ST3GAL4: variants seen among roughly 807,000 people sequenced by gnomAD.
ST3GAL4 encodes ST3 beta-galactoside alpha-2,3-sialyltransferase 4, also known as CMP-N-acetylneuraminate-beta-galactosamide-alpha-2,3-sialyltransferase 4.
A neutral mutation model predicts 42.6 loss-of-function variants in ST3GAL4; 24 were observed. The ratio of observed to expected loss-of-function variants is 0.56; its 90% CI spans 0.41 to 0.79. The LOEUF is 0.79. Among genes scored for constraint, ST3GAL4 ranks in the 30% least tolerant of loss-of-function variants. ST3GAL4 has a pLI of 0.00. For missense variants in ST3GAL4, 311 were observed against 430.8 expected (o/e 0.72, Z 2.46); for synonymous variants, 135 against 163.2 (o/e 0.83, Z 1.32).
chr11:126,390,478 A>G (rs1281077789), intron 1 of ST3GAL4, among the ~76,000 whole-genome samples: 1 of 151,998 alleles, frequency 6.6e-6, no homozygotes, highest in African/African-American at 2.4e-5. Flanking sequence ...CCTTTGTGTC[A>G]GTTTGTACTT....
chr11:126,406,775 G>A lies in ST3GAL4; in HGVS notation c.102-168G>A, dbSNP rs1954252371. 1.1e-6 allele frequency: 1 copy of A among 915,880 alleles called. No individual in the cohort carries two copies. Among genetic ancestry groups the A allele is most frequent in the African/African-American group, 1.7e-5 (1 of 60,084 alleles). 56.7% of individuals were successfully genotyped at this position (915,880 alleles called of 1,614,324 possible). On this transcript the variant is annotated intron_variant, in intron 3 of 10. Transcript: ENST00000444328. The surrounding 1 kb of genome is among the most constrained non-coding windows in gnomAD (Gnocchi z 5.4). ...CCCTCACCCAGGGAGTGCAGGGGCAGGAAGACCTGGATCCTCAAGGACTTG... is the reference window on the plus strand; with the variant it reads ...CCCTCACCCAGGGAGTGCAGGGGCAAGAAGACCTGGATCCTCAAGGACTTG...
At chr11:126,413,120 G>T (rs556761663) in intron 9 of ST3GAL4, among the ~76,000 whole-genome samples, 1 of 151,948 alleles carries the variant, frequency 6.6e-6, no homozygotes, top group African/African-American at 2.4e-5. Context: ...GAGATGGGGG[G>T]GTCTCACTAT....
At position 126,397,455 on chromosome 11, in the gene ST3GAL4, A is replaced by T. The variant is rs1468541372; in HGVS notation, c.-60-8641A>T. Among the ~76,000 whole-genome samples the T allele has an allele frequency of 1.3e-5, 2 of 151,266 alleles. No individual in the cohort carries two copies. The highest frequency in any genetic ancestry group is 1.5e-5 in the Non-Finnish European group (1 of 67,994). ...ATAATATAAAATTTTGTTACCTCTA[A>T]GTGCTGAAATTAAGGTATAAACAAC... On this transcript the variant is annotated intron_variant, in intron 1 of 10. Coordinates refer to ENST00000444328, the MANE Select transcript of ST3GAL4 (RefSeq NM_001254757.2). This position sits in a 1 kb window ranked among gnomAD's most constrained non-coding sequence, Gnocchi z 5.0.
intron 1 of ST3GAL4, chr11:126,403,433 A>AT: frequency 1.0e-6 from 1 of 985,450 alleles, no homozygotes; most frequent in Non-Finnish European, 1.2e-6. Context: ...AAAAGGTGAA[A>AT]TGAGCTCTTT....
chr11:126,402,151 C>T (rs2135525301), intron 1 of ST3GAL4, among the ~76,000 whole-genome samples: 1 of 151,250 alleles, frequency 6.6e-6, no homozygotes, highest in South Asian at 2.1e-4. Flanking sequence ...CCAGGTTTTC[C>T]CTACAGAACT....
In ST3GAL4 at chr11:126,407,255, C is replaced by G; in HGVS notation, c.186C>G (p.Tyr62Ter). ...CCCGGCTTTCACCTCTGTGCAGCTA[C>G]TCCCGGGATCAGCCCATCTTCCTGC... ...ESKASKLFGN[Y>*]SRDQPIFLRL... The change falls in exon 5 of 11, where the codon TAC becomes TAG. Residue 62 changes from tyrosine to a stop codon, truncating the protein, a stop_gained. Coordinates refer to ENST00000444328, the MANE Select transcript of ST3GAL4 (RefSeq NM_001254757.2). LOFTEE classifies it high-confidence loss of function. 6.2e-7 allele frequency: 1 copy of G among 1,614,196 alleles called. No individual in the cohort carries two copies. The highest frequency in any genetic ancestry group is 8.5e-7 in the Non-Finnish European group (1 of 1,180,014).
intron 1 of ST3GAL4, among the ~76,000 whole-genome samples, chr11:126,380,248 C>T (rs374395791): frequency 7.5e-5 from 11 of 147,012 alleles, no homozygotes; most frequent in East Asian, 3.9e-4. Flanking sequence ...GGTGACACAG[C>T]GAGACTGTAT....
intron 1 of ST3GAL4, among the ~76,000 whole-genome samples, chr11:126,357,592 C>T (rs1381565233): frequency 6.6e-6 from 1 of 152,184 alleles, no homozygotes; most frequent in Admixed American, 6.5e-5. Context: ...CTCCCAACCT[C>T]GTTAGACTCC....
chr11:126,409,967 A>G lies in ST3GAL4; in HGVS notation c.771+556A>G, dbSNP rs1173487949. Among the ~76,000 whole-genome samples, 1 of 152,148 alleles carries G rather than the reference A, an allele frequency of 6.6e-6. No individual in the cohort carries two copies. Among genetic ancestry groups the G allele is most frequent in the Non-Finnish European group, 1.5e-5 (1 of 68,038 alleles). On this transcript the variant is annotated intron_variant, in intron 9 of 10. Coordinates refer to ENST00000444328, the MANE Select transcript of ST3GAL4 (RefSeq NM_001254757.2). The surrounding 1 kb of genome is among the most constrained non-coding windows in gnomAD (Gnocchi z 4.9). ...ACCCAGGATTGGGTGCAGTGGTGCA[A>G]TCATAGCCCACTGTAACCTCAAACT...
Position 126,382,573 on chromosome 11 carries a change from A to G in ST3GAL4, c.-60-23523A>G, listed in dbSNP as rs148159604. Among the ~76,000 whole-genome samples the G allele has an allele frequency of 6.4e-3, 977 of 152,044 alleles. 12 individuals carry two copies. The highest frequency in any genetic ancestry group is 0.02 in the African/African-American group (829 of 41,460). ...AGGAGGAGGCGCTGGCCAGGACCTT[A>G]GATTACGCAGGGCTTGGTGTTGGGG... On this transcript the variant is annotated intron_variant, in intron 1 of 10. Coordinates refer to ENST00000444328, the MANE Select transcript of ST3GAL4 (RefSeq NM_001254757.2).
chr11:126,390,326 TG>T lies in ST3GAL4; in HGVS notation c.-60-15769del, dbSNP rs371254404. Among the ~76,000 whole-genome samples the T allele has an allele frequency of 6.5e-4, 99 of 151,214 alleles. 2 individuals are homozygous for T. Among genetic ancestry groups the T allele is most frequent in the African/African-American group, 1.1e-3 (47 of 41,124 alleles). ...TGTACTGATGATAGTGTTTCCAGTT[TG>T]TTTGTTTTTTTTTGCTATTGCAGCA... On this transcript the variant is annotated intron_variant, in intron 1 of 10. Transcript: ENST00000444328.
intron 1 of ST3GAL4, among the ~76,000 whole-genome samples, chr11:126,374,454 CAAAAAA>C (rs869295718): frequency 6.2e-4 from 39 of 63,214 alleles, no homozygotes; most frequent in Admixed American, 4.6e-3. Flanking sequence ...ACTTTGTCTC[CAAAAAA>C]AAAAAAAAAA....
chr11:126,405,953 C>T, intron 1 of ST3GAL4, 143 bp from the exon 2 acceptor site: 1 of 991,688 alleles, frequency 1.0e-6, no homozygotes, highest in South Asian at 1.6e-5. Context: ...GATGAGAAAA[C>T]TCACCCTCAG....
chr11:126,408,381 A>C lies in ST3GAL4; in HGVS notation c.512A>C (p.Glu171Ala). The change falls in exon 8 of 11, where the codon GAA becomes GCA. Residue 171 changes from glutamate (E) to alanine (A), a missense_variant. Physicochemically the swap from Glu to Ala is moderately radical, Grantham distance 107 (BLOSUM62 -1). Coordinates refer to ENST00000444328, the MANE Select transcript of ST3GAL4 (RefSeq NM_001254757.2). ...ACCACCATGCGTCTCTTCTACCCTG[A>C]ATCTGCCCACTTCGACCCCAAAGTA... ...SKTTMRLFYP[E>A]SAHFDPKVEN... The C allele has an allele frequency of 6.2e-7, 1 of 1,614,138 alleles. No individual in the cohort carries two copies. Among genetic ancestry groups the C allele is most frequent in the Non-Finnish European group, 8.5e-7 (1 of 1,180,040 alleles).
chr11:126,403,292 C>T lies in ST3GAL4; in HGVS notation c.-60-2804C>T, dbSNP rs545153841. ...TGTAGAACTTTACTGGGGAAGAGGTCGAAGAAGGGCTAATTGTCTTGTTGT... is the reference window on the plus strand; with the variant it reads ...TGTAGAACTTTACTGGGGAAGAGGTTGAAGAAGGGCTAATTGTCTTGTTGT... On this transcript the variant is annotated intron_variant, in intron 1 of 10. Coordinates refer to ENST00000444328, the MANE Select transcript of ST3GAL4 (RefSeq NM_001254757.2). 13 of 761,994 alleles carry T rather than the reference C, an allele frequency of 1.7e-5. No homozygotes were observed. In the South Asian group the frequency reaches 2.4e-4, roughly 14 times the overall value. The allele number at this position is 761,994 out of a possible 1,614,324, so 47.2% of individuals were successfully genotyped here.
At chr11:126,399,572 G>A (rs1438578179) in intron 1 of ST3GAL4, among the ~76,000 whole-genome samples, 1 of 151,978 alleles carries the variant, frequency 6.6e-6, no homozygotes, top group Admixed American at 6.6e-5. Context: ...CTCCCAAAGT[G>A]CTAGGATTAC....
chr11:126,367,678 G>A (rs1952485007), intron 1 of ST3GAL4, among the ~76,000 whole-genome samples: 1 of 152,190 alleles, frequency 6.6e-6, no homozygotes, highest in South Asian at 2.1e-4. Context: ...GATCTGAGGT[G>A]CATAGAGTGT....
chr11:126,406,073 C>T lies in ST3GAL4; in HGVS notation c.-60-23C>T, dbSNP rs747630073. On this transcript the variant is annotated intron_variant, in intron 1 of 10. Coordinates refer to ENST00000444328, the MANE Select transcript of ST3GAL4 (RefSeq NM_001254757.2). The surrounding 1 kb of genome is among the most constrained non-coding windows in gnomAD (Gnocchi z 5.4). Reference sequence around the variant, plus strand: ...AGGAGAGTTTGTGAAGCTGACCGGACACCTGTGGCTCTTATTTCCTAGGTG... The same window carrying T: ...AGGAGAGTTTGTGAAGCTGACCGGATACCTGTGGCTCTTATTTCCTAGGTG... The T allele has an allele frequency of 1.7e-5, 26 of 1,551,322 alleles. No homozygotes were observed. Among genetic ancestry groups the T allele is most frequent in the Middle Eastern group, 1.7e-4 (1 of 6,012 alleles).
At chr11:126,407,749 C>A (rs1380724016) in intron 6 of ST3GAL4, 115 bp downstream of exon 6, 5 of 1,125,876 alleles carry the variant, frequency 4.4e-6, no homozygotes, top group Non-Finnish European at 2.5e-6. Context: ...TGGTACCATC[C>A]CAGCCAATTC....
Sources: allele counts gnomAD v4.1 joint callset (sites outside exome capture counted in the v4.1 genomes callset), GRCh38; gene constraint gnomAD v4.1.1; non-coding constraint Gnocchi (gnomAD v3.1); transcripts MANE v1.5; gene names NCBI Gene and HGNC (gene_info 2026-07-23, HGNC 2026-07-21).